The following TLN2 variants were observed in gnomAD, a reference collection of about 807,000 sequenced individuals.
The protein encoded by TLN2 is talin-2.
TLN2 carries 118 observed loss-of-function variants against 294.7 expected under a neutral mutation model. The observed-to-expected ratio is 0.40, with a 90% CI of 0.34 to 0.47. The LOEUF (loss-of-function observed/expected upper bound fraction) is 0.47. TLN2 is among the 20% of genes least tolerant of loss of function. The pLI is 0.84. For missense variants in TLN2, 3,083 were observed against 3,282.2 expected (o/e 0.94, Z 1.48); for synonymous variants, 1,431 against 1,304.5 (o/e 1.10, Z -2.09).
intron 32 of TLN2, among the ~76,000 whole-genome samples, chr15:62,743,615 G>C (rs1567510087): frequency 6.6e-6 from 1 of 152,082 alleles, no homozygotes; most frequent in Non-Finnish European, 1.5e-5. Context: ...TGGAGCTGGA[G>C]ACCCTTTGTC....
intron 1 of TLN2, among the ~76,000 whole-genome samples, chr15:62,463,252 G>A (rs190048203): frequency 2.6e-5 from 4 of 152,126 alleles, no homozygotes; most frequent in African/African-American, 4.8e-5. Context: ...CTTTCTGACC[G>A]TCCGCCCACC....
chr15:62,458,330 G>T (rs2036598518), intron 1 of TLN2, among the ~76,000 whole-genome samples: 1 of 152,158 alleles, frequency 6.6e-6, no homozygotes. Flanking sequence ...TGAGATGGGT[G>T]TTAGAAATAG....
At chr15:62,450,517 GTATGTATGTA>G (rs1566980933) in intron 1 of TLN2, among the ~76,000 whole-genome samples, 32 of 59,650 alleles carry the variant, frequency 5.4e-4, no homozygotes, top group African/African-American at 1.2e-3. Context: ...CATCGTGTAT[GTATGTATGTA>G]TGTATGTATG....
At chr15:62,431,416 C>T (rs2035004995) in intron 1 of TLN2, among the ~76,000 whole-genome samples, 1 of 152,190 alleles carries the variant, frequency 6.6e-6, no homozygotes, top group South Asian at 2.1e-4. Context: ...TTTGACTGTG[C>T]ACTGATGACA....
At chr15:62,655,274 G>C (rs1212928487) in intron 7 of TLN2, among the ~76,000 whole-genome samples, 1 of 152,162 alleles carries the variant, frequency 6.6e-6, no homozygotes, top group Non-Finnish European at 1.5e-5. Flanking sequence ...TGTGTTTGAA[G>C]CCCAGAGAGG....
At chr15:62,708,907 C>A in intron 21 of TLN2, 111 bp downstream of exon 21, 1 of 1,303,484 alleles carries the variant, frequency 7.7e-7, no homozygotes, top group Non-Finnish European at 1.0e-6. Flanking sequence ...AGGGCAAGTT[C>A]TCTTCAGTCT....
chr15:62,654,779 A>AAAAAAAAAAAAC (rs2053013776), intron 7 of TLN2, among the ~76,000 whole-genome samples: 2 of 151,158 alleles, frequency 1.3e-5, no homozygotes, highest in African/African-American at 2.4e-5. Context: ...AAAAAAAAAA[A>AAAAAAAAAAAAC]AAAGTAACAG....
rs1351057972 is a variant in TLN2 at position 62,800,452 on chromosome 15, G to A, written c.6319G>A (p.Val2107Met). Residue 2107 changes from valine (V) to methionine (M), a missense_variant, in exon 49 of 59, where the codon GTG becomes ATG. Coordinates refer to ENST00000636159, the MANE Select transcript of TLN2 (RefSeq NM_015059.3). Reference sequence around the variant, plus strand: ...TACCAAGGGAGCTGCCAGCAAGCCAGTGGACGACCCTTCCATGTACCAGCT... The same window carrying A: ...TACCAAGGGAGCTGCCAGCAAGCCAATGGACGACCCTTCCATGTACCAGCT... ...SATKGAASKPVDDPSMYQLKG... is the reference protein window; with the variant it reads ...SATKGAASKPMDDPSMYQLKG... The A allele has an allele frequency of 6.2e-7, 1 of 1,614,234 alleles. No individual in the cohort carries two copies. Among genetic ancestry groups the A allele is most frequent in the East Asian group, 2.2e-5 (1 of 44,878 alleles).
At chr15:62,623,285 C>T (rs567405796) in intron 3 of TLN2, among the ~76,000 whole-genome samples, 4 of 152,286 alleles carry the variant, frequency 2.6e-5, no homozygotes, top group African/African-American at 4.8e-5. Context: ...TGATTGTCTA[C>T]GGCTAAGCAT....
In TLN2 at chr15:62,783,849, T is replaced by G. The variant is rs1315516152; in HGVS notation, c.5695T>G (p.Phe1899Val). ...QMTSDYGHLAFQGQMAAATAE... is the reference protein window; with the variant it reads ...QMTSDYGHLAVQGQMAAATAE... The stretch of plus-strand genomic sequence containing the variant: ...GACCAGTGACTATGGGCACCTGGCT[T>G]TCCAGGGCCAGATGGCAGCAGCCAC... Residue 1899 changes from phenylalanine (F) to valine (V), a missense_variant, in exon 45 of 59, where the codon TTC (phenylalanine) becomes GTC (valine). Coordinates refer to ENST00000636159, the MANE Select transcript of TLN2 (RefSeq NM_015059.3). 2 of 1,614,042 alleles carry G rather than the reference T, an allele frequency of 1.2e-6. No homozygotes were observed. Among genetic ancestry groups the G allele is most frequent in the Admixed American group, 1.7e-5 (1 of 60,024 alleles).
At chr15:62,606,185 A>G (rs2047423343) in intron 2 of TLN2, among the ~76,000 whole-genome samples, 1 of 151,748 alleles carries the variant, frequency 6.6e-6, no homozygotes, top group Non-Finnish European at 1.5e-5. Flanking sequence ...AGGTTCAAGC[A>G]ATTTTCCTGC....
At chr15:62,835,553 G>T (rs544590385) in intron 55 of TLN2, 184 bp from the exon 56 acceptor site, 4 of 642,452 alleles carry the variant, frequency 6.2e-6, no homozygotes, top group South Asian at 3.7e-5. Context: ...GATGTGCTGT[G>T]CAATCTTTCT....
intron 1 of TLN2, among the ~76,000 whole-genome samples, chr15:62,448,058 CTG>C (rs2035919325): frequency 6.6e-6 from 1 of 152,220 alleles, no homozygotes; most frequent in Non-Finnish European, 1.5e-5. Context: ...GCCCAGGAAT[CTG>C]TATTTCCAAC....
chr15:62,665,153 C>CT (rs1476823565), intron 9 of TLN2, among the ~76,000 whole-genome samples: 1 of 152,086 alleles, frequency 6.6e-6, no homozygotes, highest in African/African-American at 2.4e-5. Flanking sequence ...GCCTCCACCT[C>CT]TCTGGTGCAA....
intron 1 of TLN2, among the ~76,000 whole-genome samples, chr15:62,584,527 AC>A (rs1036062703): frequency 1.3e-5 from 2 of 152,106 alleles, no homozygotes; most frequent in African/African-American, 4.8e-5. Context: ...CCCTGGCCCA[AC>A]CCCCAGCCTC....
At chr15:62,674,693 GGTTTCACCAT>G (rs1030246113) in intron 10 of TLN2, among the ~76,000 whole-genome samples, 3 of 151,776 alleles carry the variant, frequency 2.0e-5, no homozygotes, top group African/African-American at 7.3e-5. Context: ...GTAGAGAGGG[GGTTTCACCAT>G]GTTGGCCAGG....
intron 57 of TLN2, among the ~76,000 whole-genome samples, chr15:62,837,380 T>G (rs1385953970): frequency 6.6e-6 from 1 of 152,228 alleles, no homozygotes; most frequent in African/African-American, 2.4e-5. Flanking sequence ...CTGCCATTTA[T>G]TAGGTGCATA....
intron 55 of TLN2, 37 bp downstream of exon 55, chr15:62,833,666 C>T (rs761186714): frequency 9.4e-6 from 15 of 1,598,706 alleles, no homozygotes; most frequent in East Asian, 2.2e-5. Flanking sequence ...GGACACTCAA[C>T]GTACGAGAGC....
intron 9 of TLN2, among the ~76,000 whole-genome samples, chr15:62,668,755 C>G (rs1054840926): frequency 6.6e-6 from 1 of 152,160 alleles, no homozygotes; most frequent in East Asian, 1.9e-4. Context: ...CGGCTTCCCA[C>G]GGCTTTTGTC....
Sources: gnomAD v4.1 joint callset for allele counts (sites outside exome capture counted in the v4.1 genomes callset) on GRCh38, gnomAD v4.1.1 for gene constraint, MANE v1.5 for transcripts, NCBI Gene and HGNC (gene_info 2026-07-23, HGNC 2026-07-21) for gene names.